Variants in MUC6 observed in about 807,000 individuals in gnomAD.
The protein encoded by MUC6 is mucin-6.
MUC6 carries 188 observed loss-of-function variants against 201.5 expected under a neutral mutation model. That is an observed-to-expected ratio of 0.93 (90% confidence interval 0.83 to 1.05). MUC6 has a LOEUF of 1.05. Ranked by LOEUF, MUC6 falls within the 50% of genes least tolerant of loss-of-function variation. MUC6 has a pLI of 0.00. For missense variants in MUC6, 2,706 were observed against 3,256.9 expected, an observed-to-expected ratio of 0.83 and a Z score of 4.12; for synonymous variants, 1,228 against 1,389.4, an observed-to-expected ratio of 0.88 and a Z score of 2.58.
chr11:1,024,760 G>C (rs923406670), intron 24 of MUC6, 84 bp downstream of exon 24: 1 of 1,510,886 alleles, frequency 6.6e-7, no homozygotes, highest in Non-Finnish European at 8.9e-7. Context: ...AGGGAGAACC[G>C]TGCCTGGCTT....
chr11:1,019,187 C>T (rs1046788268), intron 30 of MUC6, 88 bp downstream of exon 30: 4 of 1,423,164 alleles, frequency 2.8e-6, no homozygotes, highest in African/African-American at 2.8e-5. Context: ...AATACGGGGT[C>T]TTCTTTATGG....
In MUC6 at chr11:1,025,805, C is replaced by T. The variant is rs1028597431; in HGVS notation, c.2799G>A (p.Gly933=). 50 of 1,610,984 alleles carry T rather than the reference C, an allele frequency of 3.1e-5. No individual in the cohort carries two copies. The highest frequency in any genetic ancestry group is 4.2e-5 in the Non-Finnish European group (50 of 1,179,168). ...TGCCAGAGTCTGCCCGGCTGCTCACCCCCAGGAAGATCTTGATGGCCCGTG... is the reference window on the plus strand; with the variant it reads ...TGCCAGAGTCTGCCCGGCTGCTCACTCCCAGGAAGATCTTGATGGCCCGTG... ...TCSRAIKIFL[G]GLSVVLADRN... is the part of the protein sequence containing the mutation. Residue 933 remains glycine (G), a splice_region_variant and synonymous_variant, in exon 22 of 33, where the codon GGG becomes GGA. Coordinates refer to ENST00000421673, the MANE Select transcript of MUC6 (RefSeq NM_005961.3).
rs376333677 is a variant in MUC6 at position 1,016,371 on chromosome 11, A to G, written c.6430T>C (p.Tyr2144His). The G allele has an allele frequency of 1.1e-5, 18 of 1,612,264 alleles. No homozygotes were observed. In the African/African-American group the frequency reaches 2.1e-4, roughly 19 times the overall value. Residue 2144 changes from tyrosine (Y) to histidine (H), a missense_variant, in exon 31 of 33, where the codon TAT becomes CAT. By Grantham distance (83) the Tyr-to-His change is moderately conservative (BLOSUM62 2). Around this residue, in one of 10 missense-constraint regions of MUC6, gnomAD observed 586 missense variants for 488.0 expected, o/e 1.20. Transcript: ENST00000421673. ...SPSAPSTVSSYVPSSHSSPQT... is the reference protein window; with the variant it reads ...SPSAPSTVSSHVPSSHSSPQT... ...GGAGAGGAGTGGGAGGAGGGCACAT[A>G]AGAAGAAACAGTAGAGGGGGCAGAA...
In MUC6 at chr11:1,033,110, A is replaced by G; in HGVS notation, c.53-35T>C. On this transcript the variant is annotated intron_variant, in intron 1 of 32. Transcript: ENST00000421673. The surrounding 1 kb of genome is among the most constrained non-coding windows in gnomAD (Gnocchi z 5.6). Reference sequence around the variant, plus strand: ...CGGGACCCGCAGTCGGTGTGGGGCTACCCCGTCGTCCCTGAGGGCGCCGCT... The same window carrying G: ...CGGGACCCGCAGTCGGTGTGGGGCTGCCCCGTCGTCCCTGAGGGCGCCGCT... 1 of 1,607,958 alleles carries G rather than the reference A, an allele frequency of 6.2e-7. No individual in the cohort carries two copies. Among genetic ancestry groups the G allele is most frequent in the Non-Finnish European group, 8.5e-7 (1 of 1,174,988 alleles).
In MUC6 at chr11:1,013,455, G is replaced by A; in HGVS notation, c.*1C>T. ...CCCCAGGAGAGCAGGCAGCGACCCT[G>A]CTAGTCTCCACAGGCCACAGAGCTG... On this transcript the variant is annotated 3_prime_UTR_variant, in exon 33 of 33. Coordinates refer to ENST00000421673, the MANE Select transcript of MUC6 (RefSeq NM_005961.3). The A allele has an allele frequency of 6.3e-7, 1 of 1,576,222 alleles. No individual in the cohort carries two copies. Among genetic ancestry groups the A allele is most frequent in the Non-Finnish European group, 8.6e-7 (1 of 1,162,484 alleles).
At chr11:1,036,575 A>G (rs1188254869) in intron 1 of MUC6, 29 bp downstream of exon 1, 11 of 1,548,520 alleles carry the variant, frequency 7.1e-6, no homozygotes, top group South Asian at 4.8e-5. Flanking sequence ...AGGGCACCGC[A>G]GTGTCTGGCG....
At position 1,025,980 on chromosome 11, in the gene MUC6, G is replaced by A; in HGVS notation, c.2688+20C>T. 1 of 1,588,860 alleles carries A rather than the reference G, an allele frequency of 6.3e-7. No individual in the cohort carries two copies. The highest frequency in any genetic ancestry group is 8.6e-7 in the Non-Finnish European group (1 of 1,168,076). ...TGCCTCTGGGTCCCCGGCCCCTGCG[G>A]CCTGGCACCCGATGGTTACCGTGGC... On this transcript the variant is annotated intron_variant, in intron 21 of 32. Coordinates refer to ENST00000421673, the MANE Select transcript of MUC6 (RefSeq NM_005961.3).
Position 1,026,176 on chromosome 11 carries a change from G to T in MUC6, c.2547-35C>A, listed in dbSNP as rs183634739. ...CAGCAGGTGTGGGTGGTGGGCCTGC[G>T]GCCCTCCTGCCATACTGGGTGTGGT... On this transcript the variant is annotated intron_variant, in intron 20 of 32. Transcript: ENST00000421673. The T allele has an allele frequency of 3.0e-4, 468 of 1,569,140 alleles. 6 individuals are homozygous for T. In the East Asian group the frequency reaches 9.7e-3, roughly 32 times the overall value.
Position 1,018,573 on chromosome 11 carries a change from G to C in MUC6, c.4228C>G (p.Pro1410Ala). The C allele has an allele frequency of 6.2e-7, 1 of 1,613,390 alleles. No homozygotes were observed. The highest frequency in any genetic ancestry group is 8.5e-7 in the Non-Finnish European group (1 of 1,179,622). ...PQTPHTTHSP[P>A]TAGSPVPSTG... ...GAAGGGACGGGACTCCCCGCCGTAG[G>C]CGGGGAGTGTGTGGTGTGTGGGGTT... The change falls in exon 31 of 33, where the codon CCT (proline) becomes GCT (alanine). Residue 1410 changes from proline to alanine, a missense_variant. By Grantham distance (27) the Pro-to-Ala change is conservative. This residue lies in a region of MUC6 where 1,850 missense variants were observed against 1,958.3 expected (regional missense o/e 0.94). Coordinates refer to ENST00000421673, the MANE Select transcript of MUC6 (RefSeq NM_005961.3).
chr11:1,018,825 C>T (rs1227346196), intron 30 of MUC6, 55 bp from the exon 31 acceptor site: 7 of 1,516,946 alleles, frequency 4.6e-6, no homozygotes, highest in Non-Finnish European at 3.5e-6. Flanking sequence ...CTACCCTGAC[C>T]TCCGCTGGCC....
At position 1,019,279 on chromosome 11, in the gene MUC6, C is replaced by T. The variant is rs200051226; in HGVS notation, c.4026G>A (p.Thr1342=). The T allele has an allele frequency of 1.2e-5, 20 of 1,613,838 alleles. 1 individual carries two copies. The highest frequency in any genetic ancestry group is 8.8e-5 in the South Asian group (8 of 91,076). The change falls in exon 30 of 33, where the codon ACG becomes ACA. Residue 1342 remains threonine, a synonymous_variant. Coordinates refer to ENST00000421673, the MANE Select transcript of MUC6 (RefSeq NM_005961.3). ...PTPATSGTSP[T]LPKSTNQELP... ...TCCCATGGCGCCATGACTTACGCAG[C>T]GTGGGGCTTGTCCCTGATGTGGCTG...
chr11:1,019,625 C>T (rs1184068334), intron 29 of MUC6, 129 bp from the exon 30 acceptor site: 1 of 827,242 alleles, frequency 1.2e-6, no homozygotes, highest in Non-Finnish European at 2.0e-6. Flanking sequence ...CTTGGAGGGG[C>T]TCTTCCTCTT....
Position 1,027,267 on chromosome 11 carries a change from C to T in MUC6, c.2231+1G>A, listed in dbSNP as rs770904188. 1.9e-5 allele frequency: 31 copies of T among 1,612,278 alleles called. No homozygotes were observed. Among genetic ancestry groups the T allele is most frequent in the East Asian group, 4.5e-5 (2 of 44,894 alleles). ...CGCCTGGCCCCTGCCCGGTCCCTCA[C>T]CAGGTGATGCCGTTGATGACAGTGG... On this transcript the variant is annotated splice_donor_variant, in intron 17 of 32. Coordinates refer to ENST00000421673, the MANE Select transcript of MUC6 (RefSeq NM_005961.3). LOFTEE classifies it high-confidence loss of function.
chr11:1,020,047 C>G (rs2133821135), intron 29 of MUC6, 43 bp downstream of exon 29: 1 of 1,601,830 alleles, frequency 6.2e-7, no homozygotes, highest in Non-Finnish European at 8.5e-7. Context: ...CCTAGGACCT[C>G]CTGCAGCTGC....
intron 1 of MUC6, 108 bp downstream of exon 1, chr11:1,036,496 C>T (rs995983603): frequency 6.5e-5 from 83 of 1,268,502 alleles, no homozygotes; most frequent in East Asian, 1.6e-4. Context: ...CGTCCATCAG[C>T]GTCCATGTGG....
rs754979450 is a variant in MUC6, at chr11:1,016,250, G to A, written c.6551C>T (p.Ser2184Phe). The change falls in exon 31 of 33, where the codon TCC (serine) becomes TTC (phenylalanine). Residue 2184 changes from serine (S) to phenylalanine (F), a missense_variant. Ser to Phe is a radical substitution (Grantham distance 155). Around this residue, in one of 10 missense-constraint regions of MUC6, gnomAD observed 586 missense variants for 488.0 expected, o/e 1.20. Coordinates refer to ENST00000421673, the MANE Select transcript of MUC6 (RefSeq NM_005961.3). ...TLSSGSHSSL[S>F]THPTTASVSA... is the part of the protein sequence containing the mutation. Reference sequence around the variant, plus strand: ...CACTGATGCAGTCGTGGGATGAGTGGACAATGAGGAGTGTGACCCCGAGCT... The same window carrying A: ...CACTGATGCAGTCGTGGGATGAGTGAACAATGAGGAGTGTGACCCCGAGCT... The A allele has an allele frequency of 6.2e-7, 1 of 1,613,122 alleles. No individual in the cohort carries two copies. Among genetic ancestry groups the A allele is most frequent in the African/African-American group, 1.3e-5 (1 of 74,866 alleles).
In MUC6 at chr11:1,030,378, C is replaced by G. The variant is rs186545706; in HGVS notation, c.893-43G>C. 3.9e-3 allele frequency: 5,980 copies of G among 1,521,352 alleles called. 198 individuals are homozygous for G. The African/African-American group carries it at 0.073, about 18-fold the overall frequency. The allele number at this position is 1,521,352 out of a possible 1,614,324, so 94.2% of individuals were successfully genotyped here. On this transcript the variant is annotated intron_variant, in intron 7 of 32. Coordinates refer to ENST00000421673, the MANE Select transcript of MUC6 (RefSeq NM_005961.3). ...TCCGGTGAGAGGGTCCCACCCCCCC[C>G]ACCCCTCCCTGCCCCACCCCAGCTT...
rs1166899049 is a variant in MUC6, at chr11:1,026,933, C to T, written c.2394+8G>A. 2 of 1,571,134 alleles carry T rather than the reference C, an allele frequency of 1.3e-6. No individual in the cohort carries two copies. Among genetic ancestry groups the T allele is most frequent in the Non-Finnish European group, 1.7e-6 (2 of 1,158,676 alleles). On this transcript the variant is annotated splice_region_variant and intron_variant, in intron 19 of 32. Coordinates refer to ENST00000421673, the MANE Select transcript of MUC6 (RefSeq NM_005961.3). ...GGCATTGTCCCTGCTCCTCGCGCGC[C>T]CCCTTACGCAGGCAACACCGGTGGC...
At position 1,029,060 on chromosome 11, in the gene MUC6, A is replaced by G; in HGVS notation, c.1366T>C (p.Tyr456His). ...HSETSLVAVV[Y>H]LSRQDKIVIS... Reference sequence around the variant, plus strand: ...AAAGGCCTTACCTGCCTGGAGAGGTAGACCACAGCCACCAGGGAGGTCTCG... The same window carrying G: ...AAAGGCCTTACCTGCCTGGAGAGGTGGACCACAGCCACCAGGGAGGTCTCG... The change falls in exon 11 of 33, where the codon TAC becomes CAC. Residue 456 changes from tyrosine to histidine, a missense_variant. Coordinates refer to ENST00000421673, the MANE Select transcript of MUC6 (RefSeq NM_005961.3). 1 of 1,612,888 alleles carries G rather than the reference A, an allele frequency of 6.2e-7. No individual in the cohort carries two copies. Among genetic ancestry groups the G allele is most frequent in the Non-Finnish European group, 8.5e-7 (1 of 1,179,830 alleles).
Sources: allele counts gnomAD v4.1 joint callset, GRCh38; gene constraint gnomAD v4.1.1; regional missense constraint gnomAD v4.1.1; non-coding constraint Gnocchi (gnomAD v3.1); transcripts MANE v1.5; gene names NCBI Gene and HGNC (gene_info 2026-07-23, HGNC 2026-07-21).